SLC30A7: variants seen among roughly 807,000 people sequenced by gnomAD.
SLC30A7 encodes solute carrier family 30 member 7.
In SLC30A7, 35 loss-of-function variants were observed where a neutral mutation model predicts 46.0. That is an observed-to-expected ratio of 0.76 (90% CI 0.58 to 1.01). SLC30A7 has a LOEUF of 1.01. Among genes scored for constraint, SLC30A7 ranks in the 50% least tolerant of loss-of-function variants. SLC30A7 has a pLI of 0.00. For synonymous variants in SLC30A7, 147 were observed against 157.8 expected, an observed-to-expected ratio of 0.93 and a Z score of 0.51; for missense variants, 464 against 451.1, an observed-to-expected ratio of 1.03 and a Z score of -0.26.
chr1:100,897,909 TC>T (rs1443521695), intron 2 of SLC30A7, among the ~76,000 whole-genome samples: 3 of 152,204 alleles, frequency 2.0e-5, no homozygotes, highest in Non-Finnish European at 4.4e-5. Flanking sequence ...AATTTTTTAA[TC>T]CCATAGTATT....
At chr1:100,943,169 C>T (rs940811139) in intron 8 of SLC30A7, among the ~76,000 whole-genome samples, 4 of 152,168 alleles carry the variant, frequency 2.6e-5, no homozygotes, top group African/African-American at 9.7e-5. Context: ...GATCCCACTT[C>T]TGATGCCATT....
Position 100,980,799 on chromosome 1 carries a change from A to C in SLC30A7, c.*5942A>C, listed in dbSNP as rs1656883767. 1 of 151,996 alleles carries C rather than the reference A, an allele frequency of 6.6e-6. No individual in the cohort carries two copies. Among genetic ancestry groups the C allele is most frequent in the Admixed American group, 6.6e-5 (1 of 15,250 alleles). 9.4% of individuals were successfully genotyped at this position (151,996 alleles called of 1,614,324 possible). On this transcript the variant is annotated 3_prime_UTR_variant, in exon 11 of 11. Transcript: ENST00000357650. ...GGGACTGTGGAACCTGGGTCACTTG[A>C]ATTTTCTATATTTTGTATGGCCAAA... is the stretch of plus-strand genomic sequence containing the variant.
At chr1:100,902,950 T>C (rs1651403298) in intron 2 of SLC30A7, among the ~76,000 whole-genome samples, 1 of 152,162 alleles carries the variant, frequency 6.6e-6, no homozygotes. Flanking sequence ...GTGAAATAGA[T>C]AGTAAAATAT....
intron 8 of SLC30A7, among the ~76,000 whole-genome samples, chr1:100,932,157 G>A (rs1653698469): frequency 6.6e-6 from 1 of 152,200 alleles, no homozygotes; most frequent in Admixed American, 6.5e-5. Context: ...GCTCATGCCT[G>A]TAATCCCAGC....
At chr1:100,902,591 C>T (rs1651377559) in intron 2 of SLC30A7, among the ~76,000 whole-genome samples, 1 of 152,154 alleles carries the variant, frequency 6.6e-6, no homozygotes, top group Admixed American at 6.5e-5. Flanking sequence ...ATCAAAGTGT[C>T]ATCAGGGTTG....
intron 8 of SLC30A7, among the ~76,000 whole-genome samples, chr1:100,953,332 A>G (rs1230961150): frequency 6.6e-6 from 1 of 152,236 alleles, no homozygotes; most frequent in Non-Finnish European, 1.5e-5. Flanking sequence ...CCTGATAGCT[A>G]GTTGAAACCA....
the SLC30A7 span, chr1:100,995,208 G>A: frequency 4.9e-6 from 6 of 1,214,956 alleles, no homozygotes; most frequent in African/African-American, 3.0e-5. Context: ...AAAACCCTAT[G>A]TGTAAACCTC....
chr1:100,904,619 A>G (rs144340962), intron 2 of SLC30A7, among the ~76,000 whole-genome samples: 2 of 152,200 alleles, frequency 1.3e-5, no homozygotes, highest in East Asian at 3.9e-4. Context: ...ATACTGAGGT[A>G]ATAGTATTTA....
chr1:100,915,051 A>G (rs1045131212), intron 6 of SLC30A7, among the ~76,000 whole-genome samples: 49 of 144,594 alleles, frequency 3.4e-4, no homozygotes, highest in African/African-American at 1.3e-3. Flanking sequence ...AACCATCACT[A>G]TGATTTCTCC....
chr1:100,992,738 C>A, the SLC30A7 span: 1 of 1,609,422 alleles, frequency 6.2e-7, no homozygotes. Context: ...GATCTTCCTT[C>A]CCCTATAGGC....
intron 10 of SLC30A7, among the ~76,000 whole-genome samples, chr1:100,973,041 G>T (rs573681092): frequency 6.7e-6 from 1 of 150,368 alleles, no homozygotes; most frequent in African/African-American, 2.4e-5. Flanking sequence ...AATAACAGAG[G>T]CTTTAACTTT....
chr1:100,899,911 C>G (rs1171156867), intron 2 of SLC30A7, among the ~76,000 whole-genome samples: 1 of 151,328 alleles, frequency 6.6e-6, no homozygotes, highest in Non-Finnish European at 1.5e-5. Flanking sequence ...CAAATGTAGT[C>G]TTTATTCCAC....
At chr1:100,926,631 G>A (rs1197818713) in intron 8 of SLC30A7, among the ~76,000 whole-genome samples, 1 of 152,130 alleles carries the variant, frequency 6.6e-6, no homozygotes, top group Non-Finnish European at 1.5e-5. Flanking sequence ...TTCTTATTGT[G>A]AAAATTTTAA....
chr1:100,920,686 T>C (rs1652878719), intron 7 of SLC30A7, among the ~76,000 whole-genome samples: 2 of 151,998 alleles, frequency 1.3e-5, no homozygotes. Context: ...GAACATTTCT[T>C]GAGTTTGTTT....
At chr1:100,905,697 C>G (rs1651615049) in intron 2 of SLC30A7, among the ~76,000 whole-genome samples, 1 of 152,086 alleles carries the variant, frequency 6.6e-6, no homozygotes, top group Non-Finnish European at 1.5e-5. Context: ...AAGCCCATGA[C>G]TGTTATTCCT....
intron 8 of SLC30A7, among the ~76,000 whole-genome samples, chr1:100,961,234 T>C (rs1294766836): frequency 1.3e-5 from 2 of 152,146 alleles, no homozygotes; most frequent in Non-Finnish European, 2.9e-5. Flanking sequence ...GTGCTGGGAT[T>C]ACAGGCATGA....
intron 8 of SLC30A7, among the ~76,000 whole-genome samples, chr1:100,944,989 C>A (rs1022341238): frequency 2.0e-5 from 3 of 152,134 alleles, no homozygotes; most frequent in Non-Finnish European, 4.4e-5. Context: ...TTCTAACTGG[C>A]ATGAGATGGT....
chr1:100,971,400 C>G (rs1039450825), intron 10 of SLC30A7, among the ~76,000 whole-genome samples: 6 of 152,008 alleles, frequency 3.9e-5, no homozygotes, highest in Non-Finnish European at 8.8e-5. Flanking sequence ...ATCCATCTTC[C>G]CATTATCTTT....
intron 8 of SLC30A7, among the ~76,000 whole-genome samples, chr1:100,935,685 T>C (rs567790115): frequency 6.6e-6 from 1 of 152,290 alleles, no homozygotes; most frequent in African/African-American, 2.4e-5. Context: ...CCAGCTTTCC[T>C]CTAAAAAAAA....
Sources: allele counts gnomAD v4.1 joint callset (sites outside exome capture counted in the v4.1 genomes callset), GRCh38; gene constraint gnomAD v4.1.1; transcripts MANE v1.5; gene names NCBI Gene and HGNC (gene_info 2026-07-23, HGNC 2026-07-21).